Variants in PCDHGA4 observed in about 807,000 individuals in gnomAD.
PCDHGA4 encodes protocadherin gamma subfamily A, 4, also known as protocadherin gamma-A4.
Under a neutral mutation model 54.6 loss-of-function variants are expected in PCDHGA4, and 38 were observed. The ratio of observed to expected loss-of-function variants is 0.70; its 90% CI spans 0.54 to 0.91. PCDHGA4 has a LOEUF of 0.91. Among genes scored for constraint, PCDHGA4 ranks in the 40% least tolerant of loss-of-function variants. PCDHGA4 has a pLI of 0.00. For synonymous variants in PCDHGA4, 511 were observed against 512.9 expected, an observed-to-expected ratio of 1.00 and a Z score of 0.05; for missense variants, 1,298 against 1,220.9, an observed-to-expected ratio of 1.06 and a Z score of -0.94.
intron 1 of PCDHGA4, chr5:141,440,759 C>T (rs1160288117): frequency 1.3e-5 from 2 of 152,158 alleles, no homozygotes; most frequent in Admixed American, 6.6e-5. Flanking sequence ...AAGCAGAGCT[C>T]CCATCCCTTA....
chr5:141,361,399 A>G, intron 1 of PCDHGA4: 1 of 1,613,982 alleles, frequency 6.2e-7, no homozygotes, highest in Non-Finnish European at 8.5e-7. Context: ...CAATCTCACC[A>G]TCACAGCCAC....
Position 141,489,120 on chromosome 5 carries a change from G to T in PCDHGA4, c.2515-5687G>T. On this transcript the variant is annotated intron_variant, in intron 1 of 3. Coordinates refer to ENST00000571252, the MANE Select transcript of PCDHGA4 (RefSeq NM_018917.4). The surrounding 1 kb of genome is among the most constrained non-coding windows in gnomAD (Gnocchi z 4.5). Reference sequence around the variant, plus strand: ...AACTGCTGCAAGCAGGCAAACCTCCGAGCAGTTTTTAAGAGGCTGGAAGGA... The same window carrying T: ...AACTGCTGCAAGCAGGCAAACCTCCTAGCAGTTTTTAAGAGGCTGGAAGGA... 2.2e-6 allele frequency: 1 copy of T among 445,672 alleles called. No individual in the cohort carries two copies. The highest frequency in any genetic ancestry group is 3.8e-6 in the Non-Finnish European group (1 of 264,754). The allele number at this position is 445,672 out of a possible 1,614,324, so 27.6% of individuals were successfully genotyped here.
intron 1 of PCDHGA4, chr5:141,390,294 TA>T: frequency 6.2e-7 from 1 of 1,613,956 alleles, no homozygotes; most frequent in South Asian, 1.1e-5. Flanking sequence ...GAGTTTCCTT[TA>T]AGTATAATTT....
chr5:141,385,048 C>T (rs1015626472), intron 1 of PCDHGA4: 6 of 1,614,150 alleles, frequency 3.7e-6, no homozygotes, highest in Non-Finnish European at 3.4e-6. Flanking sequence ...GCTCAGGCTG[C>T]GGCGCTGGCA....
At chr5:141,417,635 G>A in intron 1 of PCDHGA4, 1 of 724,902 alleles carries the variant, frequency 1.4e-6, no homozygotes, top group Non-Finnish European at 2.1e-6. Context: ...CTGACGCCGG[G>A]GATCCCTCAG....
chr5:141,468,419 G>A (rs1733006381), intron 1 of PCDHGA4: 1 of 151,826 alleles, frequency 6.6e-6, no homozygotes, highest in Admixed American at 6.6e-5. Flanking sequence ...AAGTTAGATA[G>A]CAAGGTAATA....
intron 1 of PCDHGA4, chr5:141,384,288 G>T (rs1367965791): frequency 1.9e-6 from 3 of 1,613,666 alleles, no homozygotes; most frequent in Non-Finnish European, 2.5e-6. Flanking sequence ...ACATCGCTGA[G>T]AACAACCCCA....
rs953182246 is a variant in PCDHGA4, at chr5:141,511,757, C to T, written c.*584C>T. ...CTCAAGTTTTGGAGGACATGATCAC[C>T]ATCCCCATGGTACTGATGCTTGCTG... is the stretch of plus-strand genomic sequence containing the variant. On this transcript the variant is annotated 3_prime_UTR_variant, in exon 4 of 4. Coordinates refer to ENST00000571252, the MANE Select transcript of PCDHGA4 (RefSeq NM_018917.4). The T allele has an allele frequency of 6.9e-5, 12 of 174,122 alleles. No individual in the cohort carries two copies. The highest frequency in any genetic ancestry group is 2.8e-4 in the African/African-American group (12 of 42,412). The allele number at this position is 174,122 out of a possible 1,614,324, so 10.8% of individuals were successfully genotyped here.
intron 1 of PCDHGA4, 130 bp downstream of exon 1, chr5:141,357,751 C>A: frequency 8.8e-7 from 1 of 1,131,678 alleles, no homozygotes; most frequent in Non-Finnish European, 1.2e-6. Context: ...TTAAAGAAAA[C>A]TGGTGGATGA....
intron 1 of PCDHGA4, chr5:141,365,091 A>G: frequency 6.2e-7 from 1 of 1,613,870 alleles, no homozygotes. Context: ...GTTCCAGAGA[A>G]CATACCTGTG....
In PCDHGA4 at chr5:141,491,927, G is replaced by A. The variant is rs1314503730; in HGVS notation, c.2515-2880G>A. 3 of 1,309,982 alleles carry A rather than the reference G, an allele frequency of 2.3e-6. No individual in the cohort carries two copies. In the African/African-American group the frequency reaches 4.5e-5, roughly 20 times the overall value. 81.1% of individuals were successfully genotyped at this position (1,309,982 alleles called of 1,614,324 possible). A position where few individuals can be genotyped will look rare whatever the true frequency, so the allele number is the denominator to read the frequency against. On this transcript the variant is annotated intron_variant, in intron 1 of 3. Coordinates refer to ENST00000571252, the MANE Select transcript of PCDHGA4 (RefSeq NM_018917.4). The surrounding 1 kb of genome is among the most constrained non-coding windows in gnomAD (Gnocchi z 6.9). ...GTGGTGGCGACTGTGGGCGAGGGGAGGTGGGACCGACCCCCACCCCTACAC... is the reference window on the plus strand; with the variant it reads ...GTGGTGGCGACTGTGGGCGAGGGGAAGTGGGACCGACCCCCACCCCTACAC...
chr5:141,429,239 T>C (rs1344971786), intron 1 of PCDHGA4: 1 of 151,802 alleles, frequency 6.6e-6, no homozygotes, highest in East Asian at 1.9e-4. Context: ...ACTGCTGTCA[T>C]TGAGATATTT....
chr5:141,472,542 G>GA (rs904556404), intron 1 of PCDHGA4, among the ~76,000 whole-genome samples: 21 of 147,124 alleles, frequency 1.4e-4, no homozygotes, highest in Admixed American at 7.4e-4. Flanking sequence ...ACCATCTCAA[G>GA]AAAAAAAAAA....
chr5:141,382,988 G>T (rs958046112), intron 1 of PCDHGA4: 2 of 1,613,090 alleles, frequency 1.2e-6, no homozygotes, highest in African/African-American at 2.7e-5. Context: ...TGGGCAGGAC[G>T]TATTCTCTAC....
chr5:141,402,704 T>C (rs1237933133), intron 1 of PCDHGA4, among the ~76,000 whole-genome samples: 1 of 152,216 alleles, frequency 6.6e-6, no homozygotes, highest in East Asian at 1.9e-4. Flanking sequence ...TCAGTGGGTG[T>C]AGTAACGGCT....
chr5:141,383,971 G>GAA, intron 1 of PCDHGA4: 1 of 1,613,662 alleles, frequency 6.2e-7, no homozygotes, highest in African/African-American at 1.3e-5. Context: ...CTCAATCCCT[G>GAA]AAGACACACC....
At chr5:141,422,302 G>A (rs749870505) in intron 1 of PCDHGA4, 2 of 1,549,012 alleles carry the variant, frequency 1.3e-6, no homozygotes, top group Admixed American at 4.3e-5. Flanking sequence ...TTCAATTCTG[G>A]AAAACTCTCC....
chr5:141,487,623 C>T lies in PCDHGA4; in HGVS notation c.2515-7184C>T, dbSNP rs2099654624. On this transcript the variant is annotated intron_variant, in intron 1 of 3. Coordinates refer to ENST00000571252, the MANE Select transcript of PCDHGA4 (RefSeq NM_018917.4). This position sits in a 1 kb window ranked among gnomAD's most constrained non-coding sequence, Gnocchi z 5.0. The stretch of plus-strand genomic sequence containing the variant: ...CTTCTCTATGGGCTAGAGGTGAGAC[C>T]TTTGCAGGCTCAACAAATGCTTGAG... 6.2e-7 allele frequency: 1 copy of T among 1,614,088 alleles called. No individual in the cohort carries two copies. The highest frequency in any genetic ancestry group is 1.3e-5 in the African/African-American group (1 of 74,930).
chr5:141,437,591 G>T (rs1177672004), intron 1 of PCDHGA4, among the ~76,000 whole-genome samples: 5 of 152,170 alleles, frequency 3.3e-5, no homozygotes, highest in Non-Finnish European at 7.3e-5. Flanking sequence ...GAATTGGATA[G>T]TTCTGGTGTA....
Sources: allele counts gnomAD v4.1 joint callset (sites outside exome capture counted in the v4.1 genomes callset), GRCh38; gene constraint gnomAD v4.1.1; non-coding constraint Gnocchi (gnomAD v3.1); transcripts MANE v1.5; gene names NCBI Gene and HGNC (gene_info 2026-07-23, HGNC 2026-07-21).